RALB: variants seen among roughly 807,000 people sequenced by gnomAD.
RALB encodes RAS like proto-oncogene B.
A neutral mutation model predicts 21.3 loss-of-function variants in RALB; 16 were observed. The observed-to-expected ratio is 0.75, with a 90% confidence interval of 0.51 to 1.14. The LOEUF is 1.14. Among genes scored for constraint, RALB ranks in the 50% most tolerant of loss-of-function variants. The probability of loss-of-function intolerance (pLI) is 0.00; values close to 1 mark genes in which losing one functional copy is unlikely to be tolerated. For synonymous variants in RALB, 93 were observed against 96.1 expected, an observed-to-expected ratio of 0.97 and a Z score of 0.19; for missense variants, 161 against 256.2, an observed-to-expected ratio of 0.63 and a Z score of 2.54.
At chr2:120,251,806 A>C (rs927791938), upstream of RALB, among the ~76,000 whole-genome samples, 1 of 152,188 alleles carries the variant, frequency 6.6e-6, no homozygotes, top group Non-Finnish European at 1.5e-5. Context: ...TTCTGATTGC[A>C]CTTTTTTGTT....
intron 1 of RALB, among the ~76,000 whole-genome samples, chr2:120,245,909 C>T (rs1215557317): frequency 6.6e-6 from 1 of 152,168 alleles, no homozygotes. Context: ...AAAATTAAAA[C>T]CCGATAGAAA....
At chr2:120,281,995 G>A (rs953427779) in intron 2 of RALB, among the ~76,000 whole-genome samples, 2 of 152,172 alleles carry the variant, frequency 1.3e-5, no homozygotes, top group Admixed American at 1.3e-4. Flanking sequence ...GGAGGCCAAG[G>A]ACGCACTCAG....
intron 1 of RALB, among the ~76,000 whole-genome samples, chr2:120,263,037 C>T (rs1158738796): frequency 6.6e-6 from 1 of 152,226 alleles, no homozygotes; most frequent in Non-Finnish European, 1.5e-5. Context: ...TTCCTCAGGA[C>T]AAGGGGGACT....
intron 1 of RALB, among the ~76,000 whole-genome samples, chr2:120,278,019 G>C (rs1208913598): frequency 7.8e-6 from 1 of 128,228 alleles, no homozygotes; most frequent in African/African-American, 3.2e-5. Flanking sequence ...GAGCATGTGT[G>C]AATGTGAATG....
chr2:120,252,904 G>A lies in RALB; in HGVS notation c.-124G>A, dbSNP rs577986078. ...AATCGGTGGAGGACGGCTGGGGTCCGGCCCCGGGAGGGGGCGGGGCGCGTT... is the reference window on the plus strand; with the variant it reads ...AATCGGTGGAGGACGGCTGGGGTCCAGCCCCGGGAGGGGGCGGGGCGCGTT... On this transcript the variant is annotated 5_prime_UTR_variant, in exon 1 of 5. Transcript: ENST00000272519. 24 of 985,388 alleles carry A rather than the reference G, an allele frequency of 2.4e-5. No homozygotes were observed. The Admixed American group carries it at 3.1e-4, about 13-fold the overall frequency. 61.0% of individuals were successfully genotyped at this position (985,388 alleles called of 1,614,324 possible).
chr2:120,258,422 A>G (rs1435550653), intron 1 of RALB, among the ~76,000 whole-genome samples: 1 of 152,106 alleles, frequency 6.6e-6, no homozygotes, highest in African/African-American at 2.4e-5. Context: ...GAGGAGTCCT[A>G]GGTAGGAAAG....
At chr2:120,282,744 ATAAAAT>A (rs936371411) in intron 2 of RALB, among the ~76,000 whole-genome samples, 5 of 152,192 alleles carry the variant, frequency 3.3e-5, no homozygotes, top group African/African-American at 1.2e-4. Flanking sequence ...AAATTGTAAA[ATAAAAT>A]TGGGGCAAGG....
chr2:120,278,785 C>G lies in RALB; in HGVS notation c.114+7C>G. On this transcript the variant is annotated splice_region_variant and intron_variant, in intron 2 of 4. Transcript: ENST00000272519. ...TCAGTTCATGTATGACGAGGTAAGC[C>G]CTGCTAGGCACAGACCACCTTCCTT... The G allele has an allele frequency of 6.5e-7, 1 of 1,531,732 alleles. No individual in the cohort carries two copies. The highest frequency in any genetic ancestry group is 2.0e-5 in the Admixed American group (1 of 50,214). The allele number at this position is 1,531,732 out of a possible 1,614,324, so 94.9% of individuals were successfully genotyped here.
intron 3 of RALB, among the ~76,000 whole-genome samples, chr2:120,289,286 A>G (rs1031995188): frequency 1.5e-5 from 2 of 134,978 alleles, no homozygotes; most frequent in African/African-American, 3.2e-5. Context: ...CCCTGTTGTG[A>G]CGTAAAATCC....
At chr2:120,277,180 CTTCT>C (rs1558953177) in intron 1 of RALB, among the ~76,000 whole-genome samples, 2 of 152,164 alleles carry the variant, frequency 1.3e-5, no homozygotes, top group African/African-American at 4.8e-5. Context: ...CTTGAACTCA[CTTCT>C]TTAATCAACC....
exon 1 of RALB, chr2:120,240,092 G>A (rs1044809828): frequency 1.6e-6 from 2 of 1,289,738 alleles, no homozygotes; most frequent in Admixed American, 2.3e-5. Context: ...GCGGGTGGCA[G>A]GAGGAGGTCT....
intron 1 of RALB, among the ~76,000 whole-genome samples, chr2:120,245,344 G>A (rs552589795): frequency 6.6e-6 from 1 of 152,352 alleles, no homozygotes; most frequent in East Asian, 1.9e-4. Flanking sequence ...AACCTGATAG[G>A]CCTCACCTGT....
intron 1 of RALB, among the ~76,000 whole-genome samples, chr2:120,270,895 A>G (rs572337267): frequency 1.4e-4 from 22 of 152,200 alleles, no homozygotes; most frequent in Non-Finnish European, 2.9e-4. Context: ...TATTATGATT[A>G]TGGCCTACTA....
chr2:120,261,087 A>G (rs1689355035), intron 1 of RALB, among the ~76,000 whole-genome samples: 1 of 152,208 alleles, frequency 6.6e-6, no homozygotes, highest in African/African-American at 2.4e-5. Context: ...TAAACTATGC[A>G]TTAAAGTTTG....
chr2:120,251,805 C>G (rs980661836), upstream of RALB, among the ~76,000 whole-genome samples: 1 of 152,208 alleles, frequency 6.6e-6, no homozygotes, highest in African/African-American at 2.4e-5. Flanking sequence ...CTTCTGATTG[C>G]ACTTTTTTGT....
chr2:120,253,815 G>T, intron 1 of RALB: 1 of 618,406 alleles, frequency 1.6e-6, no homozygotes. Flanking sequence ...GCTCATCTGG[G>T]TTACCTGTGA....
chr2:120,278,379 C>T (rs1437767069), intron 1 of RALB, among the ~76,000 whole-genome samples: 2 of 152,094 alleles, frequency 1.3e-5, no homozygotes, highest in Admixed American at 6.5e-5. Flanking sequence ...CCCAGTGAGG[C>T]GGGCGTGGGG....
At chr2:120,286,921 A>G (rs1277707888) in intron 3 of RALB, among the ~76,000 whole-genome samples, 1 of 152,228 alleles carries the variant, frequency 6.6e-6, no homozygotes, top group Non-Finnish European at 1.5e-5. Context: ...TTATAAAGAA[A>G]TAGCCTTTTG....
At chr2:120,289,487 C>T in intron 3 of RALB, 93 bp from the exon 4 acceptor site, 3 of 1,320,630 alleles carry the variant, frequency 2.3e-6, no homozygotes, top group Non-Finnish European at 3.2e-6. Flanking sequence ...TTTCCTTCTG[C>T]CTTAGGAAAG....
Sources: gnomAD v4.1 joint callset for allele counts (sites outside exome capture counted in the v4.1 genomes callset) on GRCh38, gnomAD v4.1.1 for gene constraint, MANE v1.5 for transcripts, NCBI Gene and HGNC (gene_info 2026-07-23, HGNC 2026-07-21) for gene names.